Variants in LRP1B observed in about 807,000 individuals in gnomAD.
The protein encoded by LRP1B is LDL receptor related protein 1B.
In LRP1B, 217 loss-of-function variants were observed where a neutral mutation model predicts 556.6. The ratio of observed to expected loss-of-function variants is 0.39; its 90% CI spans 0.35 to 0.44. The LOEUF (loss-of-function observed/expected upper bound fraction) is 0.44. LRP1B is among the 20% of genes least tolerant of loss of function. LRP1B has a pLI of 1.00. For synonymous variants in LRP1B, 2,047 were observed against 1,865.8 expected (o/e 1.10, Z -2.50); for missense variants, 5,053 against 5,620.8 (o/e 0.90, Z 3.23).
At chr2:141,544,322 C>CTT (rs1685414442) in intron 2 of LRP1B, among the ~76,000 whole-genome samples, 3 of 50,444 alleles carry the variant, frequency 5.9e-5, no homozygotes, top group African/African-American at 2.6e-4. Flanking sequence ...TCTTCTTCTT[C>CTT]TTCTTCTTCT....
At position 140,820,912 on chromosome 2, in the gene LRP1B, T is replaced by TAAA. The variant is rs5834782; in HGVS notation, c.5210-7109_5210-7107dup. On this transcript the variant is annotated intron_variant, in intron 31 of 90. Transcript: ENST00000389484. ...GCCCCTCCTCTTTCTGTTGCTTCTT[T>TAAA]AAAAAAAAAAAAAAAGTATTTTTTT... Among the ~76,000 whole-genome samples, 512 of 143,774 alleles carry TAAA rather than the reference T, an allele frequency of 3.6e-3. 2 individuals are homozygous for TAAA. The highest frequency in any genetic ancestry group is 0.01 in the African/African-American group (403 of 38,788). The allele number at this position is 143,774 out of a possible 152,430, so 94.3% of individuals were successfully genotyped here.
intron 20 of LRP1B, among the ~76,000 whole-genome samples, chr2:140,929,761 C>CACACACAT: frequency 7.7e-6 from 1 of 130,648 alleles, no homozygotes; most frequent in Non-Finnish European, 1.6e-5. Flanking sequence ...TAGACTCACA[C>CACACACAT]ACACACACAC....
At chr2:141,394,748 G>C (rs1361268625) in intron 3 of LRP1B, among the ~76,000 whole-genome samples, 2 of 152,076 alleles carry the variant, frequency 1.3e-5, no homozygotes, top group Non-Finnish European at 2.9e-5. Context: ...AAAAAATTCA[G>C]TTGGAACTTT....
chr2:142,111,973 C>T (rs908140164), intron 1 of LRP1B, among the ~76,000 whole-genome samples: 4 of 151,930 alleles, frequency 2.6e-5, no homozygotes, highest in Admixed American at 2.6e-4. Context: ...TATATAAGTG[C>T]AGTCTTTTCT....
intron 20 of LRP1B, among the ~76,000 whole-genome samples, chr2:140,928,939 G>C (rs1694966921): frequency 1.3e-5 from 2 of 152,050 alleles, no homozygotes. Flanking sequence ...CTGAGAGGTA[G>C]GTAGGGGTGA....
At chr2:141,031,987 T>C (rs1268913322) in intron 11 of LRP1B, among the ~76,000 whole-genome samples, 1 of 152,024 alleles carries the variant, frequency 6.6e-6, no homozygotes, top group Non-Finnish European at 1.5e-5. Context: ...TTCTTTGTAA[T>C]TCTTACTCAA....
At chr2:141,198,959 A>C (rs1010287311) in intron 6 of LRP1B, among the ~76,000 whole-genome samples, 2 of 152,254 alleles carry the variant, frequency 1.3e-5, no homozygotes, top group East Asian at 3.9e-4. Context: ...TTGTTTAGAC[A>C]CTATCTTATC....
At chr2:140,596,189 T>C (rs1682432452) in intron 43 of LRP1B, among the ~76,000 whole-genome samples, 1 of 152,200 alleles carries the variant, frequency 6.6e-6, no homozygotes, top group Admixed American at 6.5e-5. Flanking sequence ...ATAAAGGTCC[T>C]TGCAATGGTG....
At chr2:140,651,526 T>TAAAAAA (rs558677783) in intron 41 of LRP1B, among the ~76,000 whole-genome samples, 11 of 107,010 alleles carry the variant, frequency 1.0e-4, no homozygotes, top group African/African-American at 3.0e-4. Flanking sequence ...ATACAAAAAT[T>TAAAAAA]AAAAAAAAAA....
intron 2 of LRP1B, among the ~76,000 whole-genome samples, chr2:141,664,016 C>T (rs951784318): frequency 6.6e-6 from 1 of 151,914 alleles, no homozygotes; most frequent in Admixed American, 6.6e-5. Context: ...CAAACCAAAT[C>T]CAGCAGCACA....
At chr2:141,128,487 C>A (rs1479506463) in intron 7 of LRP1B, among the ~76,000 whole-genome samples, 1 of 152,222 alleles carries the variant, frequency 6.6e-6, no homozygotes, top group Non-Finnish European at 1.5e-5. Flanking sequence ...CCCTCACTTA[C>A]TCCACTCTAG....
intron 3 of LRP1B, among the ~76,000 whole-genome samples, chr2:141,325,169 G>T (rs1392389563): frequency 6.6e-6 from 1 of 151,208 alleles, no homozygotes; most frequent in African/African-American, 2.4e-5. Flanking sequence ...TTTCATTTTT[G>T]CTGTTTTAGG....
intron 1 of LRP1B, among the ~76,000 whole-genome samples, chr2:142,033,108 G>T (rs867577701): frequency 6.6e-6 from 1 of 151,728 alleles, no homozygotes; most frequent in Non-Finnish European, 1.5e-5. Context: ...ATGAGATTTT[G>T]TTACCGTCAT....
chr2:141,938,772 G>A (rs78719638), intron 1 of LRP1B, among the ~76,000 whole-genome samples: 3 of 128,094 alleles, frequency 2.3e-5, no homozygotes, highest in South Asian at 2.5e-4. Context: ...GTGTGTGTGT[G>A]TATATGTGTA....
chr2:140,589,870 G>A (rs1682145546), intron 43 of LRP1B, among the ~76,000 whole-genome samples: 1 of 152,102 alleles, frequency 6.6e-6, no homozygotes, highest in Non-Finnish European at 1.5e-5. Context: ...AGGGAAGTGT[G>A]CACAGCTATG....
chr2:141,830,170 A>G (rs976046975), intron 1 of LRP1B, among the ~76,000 whole-genome samples: 2 of 151,930 alleles, frequency 1.3e-5, no homozygotes, highest in Admixed American at 6.6e-5. Flanking sequence ...TCTAATAAAA[A>G]CTGTAACCTT....
In LRP1B at chr2:141,096,679, A is replaced by AGAGAGAGAGAGAGAGG. The variant is rs1700328675; in HGVS notation, c.1014-34407_1014-34406insCCTCTCTCTCTCTCTC. Among the ~76,000 whole-genome samples, 186 of 88,496 alleles carry AGAGAGAGAGAGAGAGG rather than the reference A, an allele frequency of 2.1e-3. 31 individuals carry two copies. Among genetic ancestry groups the AGAGAGAGAGAGAGAGG allele is most frequent in the East Asian group, 0.017 (31 of 1,806 alleles). 58.1% of individuals were successfully genotyped at this position (88,496 alleles called of 152,430 possible). The stretch of plus-strand genomic sequence containing the variant: ...GAGAGAGAGAGAGAGAGAGAGAGAG[A>AGAGAGAGAGAGAGAGG]GAGAGAGAGAGAAAATAAATAAATA... On this transcript the variant is annotated intron_variant, in intron 7 of 90. Transcript: ENST00000389484.
intron 3 of LRP1B, among the ~76,000 whole-genome samples, chr2:141,358,261 C>A (rs1025923723): frequency 6.6e-6 from 1 of 152,104 alleles, no homozygotes; most frequent in South Asian, 2.1e-4. Context: ...GGTGAAGCTA[C>A]CTCAAAATTT....
At position 141,806,483 on chromosome 2, in the gene LRP1B, A is replaced by C. The variant is rs1324254057; in HGVS notation, c.205+3796T>G. Among the ~76,000 whole-genome samples, 3 of 152,162 alleles carry C rather than the reference A, an allele frequency of 2.0e-5. No homozygotes were observed. In the South Asian group the frequency reaches 6.2e-4, roughly 32 times the overall value. The stretch of plus-strand genomic sequence containing the variant: ...ATGACTAAAAGTCCTTACCATATAC[A>C]ATGGTAAGATTATAAATTATTAAAA... On this transcript the variant is annotated intron_variant, in intron 2 of 90. Transcript: ENST00000389484.
Sources: allele counts gnomAD v4.1 joint callset (sites outside exome capture counted in the v4.1 genomes callset), GRCh38; gene constraint gnomAD v4.1.1; transcripts MANE v1.5; gene names NCBI Gene and HGNC (gene_info 2026-07-23, HGNC 2026-07-21).